Variants in CTNNA1 observed in about 807,000 individuals in gnomAD.
CTNNA1 encodes the protein catenin alpha 1.
In CTNNA1, 37 loss-of-function variants were observed where a neutral mutation model predicts 98.4. The ratio of observed to expected loss-of-function variants is 0.38; its 90% CI spans 0.29 to 0.49. The LOEUF is 0.49. CTNNA1 is among the 20% of genes least tolerant of loss of function. The pLI is 0.95. For missense variants in CTNNA1, 761 were observed against 1,147.2 expected, an observed-to-expected ratio of 0.66 and a Z score of 4.86; for synonymous variants, 404 against 413.2, an observed-to-expected ratio of 0.98 and a Z score of 0.27.
chr5:138,816,530 C>T (rs1759448515), intron 5 of CTNNA1, among the ~76,000 whole-genome samples: 1 of 152,132 alleles, frequency 6.6e-6, no homozygotes, highest in Non-Finnish European at 1.5e-5. Context: ...TGCATTCCCA[C>T]CAGCATTTTT....
At chr5:138,931,943 T>C (rs1310802964) in intron 16 of CTNNA1, 2 of 985,448 alleles carry the variant, frequency 2.0e-6, no homozygotes, top group East Asian at 2.3e-4. Flanking sequence ...TCTAGGCTGG[T>C]CCTAATCTGG....
intron 1 of CTNNA1, among the ~76,000 whole-genome samples, chr5:138,776,441 C>G (rs1175762928): frequency 6.6e-6 from 1 of 152,184 alleles, no homozygotes; most frequent in Admixed American, 6.5e-5. Flanking sequence ...CCGTGTCTGC[C>G]TCTTTCTACA....
intron 7 of CTNNA1, among the ~76,000 whole-genome samples, chr5:138,882,344 T>C (rs1753093125): frequency 6.6e-6 from 1 of 152,078 alleles, no homozygotes; most frequent in Non-Finnish European, 1.5e-5. Flanking sequence ...AACAAAAATG[T>C]ATGTGGGTGG....
chr5:138,783,311 G>A lies in CTNNA1; in HGVS notation c.240G>A (p.Ala80=), dbSNP rs1059014. The change falls in exon 3 of 18, where the codon GCG becomes GCA. Residue 80 remains alanine, a synonymous_variant. Transcript: ENST00000302763. ...ENFLEKGDKI[A]KESQFLKEEL... is the part of the protein sequence containing the mutation. ...TCTTGGAGAAGGGGGATAAAATTGC[G>A]AAGGAGAGCCAGTTTCTCAAGGAGG... 4.6e-5 allele frequency: 75 copies of A among 1,613,984 alleles called. No homozygotes were observed. In the African/African-American group the frequency reaches 6.0e-4, roughly 13 times the overall value.
At chr5:138,833,567 T>G (rs190363036) in intron 7 of CTNNA1, among the ~76,000 whole-genome samples, 74 of 152,352 alleles carry the variant, frequency 4.9e-4, no homozygotes, top group African/African-American at 1.7e-3. Flanking sequence ...GTTATATATG[T>G]ATCTATAACT....
At chr5:138,758,720 A>G (rs1386198572) in intron 1 of CTNNA1, among the ~76,000 whole-genome samples, 2 of 151,496 alleles carry the variant, frequency 1.3e-5, no homozygotes, top group African/African-American at 4.9e-5. Flanking sequence ...TTTTTCCCAT[A>G]CCTTCCTTTA....
chr5:138,891,410 A>G lies in CTNNA1; in HGVS notation c.1296+3768A>G, dbSNP rs556354541. Among the ~76,000 whole-genome samples the G allele has an allele frequency of 4.6e-5, 7 of 151,406 alleles. 1 individual carries two copies. In the South Asian group the frequency reaches 1.0e-3, roughly 23 times the overall value. ...GTTACAACCTCCTTTTTTTTTTGGA[A>G]CCTCTCCTGTCCATGTGCTTGCTGA... is the stretch of plus-strand genomic sequence containing the variant. On this transcript the variant is annotated intron_variant, in intron 9 of 17. Coordinates refer to ENST00000302763, the MANE Select transcript of CTNNA1 (RefSeq NM_001903.5).
chr5:138,781,417 G>A (rs1203822937), intron 1 of CTNNA1, among the ~76,000 whole-genome samples: 4 of 152,206 alleles, frequency 2.6e-5, no homozygotes, highest in South Asian at 2.1e-4. Flanking sequence ...TTAGCCGGGC[G>A]TGGTGGCGGG....
intron 1 of CTNNA1, among the ~76,000 whole-genome samples, chr5:138,764,702 C>T (rs536197634): frequency 1.3e-5 from 2 of 151,812 alleles, no homozygotes; most frequent in South Asian, 2.1e-4. Context: ...AACTCCTGAC[C>T]TCAGGTGATC....
rs1266144730 is a variant in CTNNA1 at position 138,767,053 on chromosome 5, T to TTTG, written c.-3+13543_-3+13544insTTG. Among the ~76,000 whole-genome samples, 15 of 152,278 alleles carry TTTG rather than the reference T, an allele frequency of 9.9e-5. No homozygotes were observed. The South Asian group carries it at 3.1e-3, about 32-fold the overall frequency. On this transcript the variant is annotated intron_variant, in intron 1 of 17. Transcript: ENST00000302763. ...ATAACTTTTCTTTCTTTCTTTTTTT[T>TTTG]GAGACAAGAGTCTCGCTCTGTCGTC...
intron 7 of CTNNA1, among the ~76,000 whole-genome samples, chr5:138,860,961 T>C (rs571810476): frequency 1.9e-4 from 29 of 152,164 alleles, no homozygotes; most frequent in African/African-American, 7.0e-4. Context: ...CTGCCATTTT[T>C]TTCCTCCTGG....
At chr5:138,901,671 C>T (rs1758072609) in intron 9 of CTNNA1, among the ~76,000 whole-genome samples, 1 of 152,198 alleles carries the variant, frequency 6.6e-6, no homozygotes, top group African/African-American at 2.4e-5. Flanking sequence ...TCAAGTGATC[C>T]TCTTGCCTTG....
At chr5:138,907,508 C>T (rs1007107818) in intron 10 of CTNNA1, among the ~76,000 whole-genome samples, 6 of 152,118 alleles carry the variant, frequency 3.9e-5, no homozygotes, top group South Asian at 2.1e-4. Flanking sequence ...TTCAAGGAAG[C>T]GAAGGGCTGT....
At chr5:138,892,822 G>C (rs1440270236) in intron 9 of CTNNA1, among the ~76,000 whole-genome samples, 1 of 151,508 alleles carries the variant, frequency 6.6e-6, no homozygotes, top group Non-Finnish European at 1.5e-5. Flanking sequence ...TTCGAGACCA[G>C]CCTGGCCAAC....
intron 3 of CTNNA1, among the ~76,000 whole-genome samples, chr5:138,796,622 G>T (rs1757006872): frequency 6.6e-6 from 1 of 152,106 alleles, no homozygotes; most frequent in South Asian, 2.1e-4. Flanking sequence ...GAGATAAAGA[G>T]AACAAAGTTA....
At chr5:138,791,392 G>A (rs530214818) in intron 3 of CTNNA1, among the ~76,000 whole-genome samples, 25 of 151,976 alleles carry the variant, frequency 1.6e-4, no homozygotes, top group Non-Finnish European at 3.1e-4. Flanking sequence ...GCCGAGGCGG[G>A]CAGATCACGA....
chr5:138,786,660 A>G (rs574374385), intron 3 of CTNNA1, among the ~76,000 whole-genome samples: 2 of 152,252 alleles, frequency 1.3e-5, no homozygotes, highest in South Asian at 2.1e-4. Flanking sequence ...GCTGGCTGCT[A>G]TGTCTTGAGT....
intron 9 of CTNNA1, among the ~76,000 whole-genome samples, chr5:138,888,735 T>C (rs1754680798): frequency 1.3e-5 from 2 of 151,926 alleles, no homozygotes; most frequent in Non-Finnish European, 2.9e-5. Flanking sequence ...TTTTTTTTTT[T>C]TTAGTAGAGA....
At position 138,858,594 on chromosome 5, in the gene CTNNA1, C is replaced by CT. The variant is rs147487025; in HGVS notation, c.1063-27599dup. Among the ~76,000 whole-genome samples, 277 of 124,060 alleles carry CT rather than the reference C, an allele frequency of 2.2e-3. 1 individual carries two copies. The highest frequency in any genetic ancestry group is 3.2e-3 in the Non-Finnish European group (191 of 59,396). The allele number at this position is 124,060 out of a possible 152,430, so 81.4% of individuals were successfully genotyped here. On this transcript the variant is annotated intron_variant, in intron 7 of 17. Coordinates refer to ENST00000302763, the MANE Select transcript of CTNNA1 (RefSeq NM_001903.5). ...TTGGCTTTTTTTTCTTTTTCTTTTTCTTTTTTTTTTTTTTTTTTTGAGACA... is the reference window on the plus strand; with the variant it reads ...TTGGCTTTTTTTTCTTTTTCTTTTTCTTTTTTTTTTTTTTTTTTTTGAGACA...
Sources: allele counts gnomAD v4.1 joint callset (sites outside exome capture counted in the v4.1 genomes callset), GRCh38; gene constraint gnomAD v4.1.1; transcripts MANE v1.5; gene names NCBI Gene and HGNC (gene_info 2026-07-23, HGNC 2026-07-21).